Variants in EIF2AK3 observed in about 807,000 individuals in gnomAD.
EIF2AK3 encodes the protein eukaryotic translation initiation factor 2 alpha kinase 3, also known as eukaryotic translation initiation factor 2-alpha kinase 3.
Under a neutral mutation model 113.5 loss-of-function variants are expected in EIF2AK3, and 50 were observed. The observed-to-expected ratio is 0.44, with a 90% CI of 0.35 to 0.56. EIF2AK3 has a LOEUF of 0.56. Ranked by LOEUF, EIF2AK3 falls within the 20% of genes least tolerant of loss-of-function variation. The probability of loss-of-function intolerance (pLI) is 0.00; values close to 1 mark genes in which losing one functional copy is unlikely to be tolerated. For missense variants in EIF2AK3, 1,185 were observed against 1,378.0 expected (o/e 0.86, Z 2.22); for synonymous variants, 448 against 495.4 (o/e 0.90, Z 1.27).
chr2:88,593,201 G>A (rs1261349727), intron 4 of EIF2AK3, 71 bp downstream of exon 4: 1 of 1,582,358 alleles, frequency 6.3e-7, no homozygotes, highest in Non-Finnish European at 8.7e-7. Context: ...TCCACAAACA[G>A]AAATCTGATA....
At chr2:88,624,669 T>TC (rs1267183829) in intron 1 of EIF2AK3, 1 of 152,302 alleles carries the variant, frequency 6.6e-6, no homozygotes, top group East Asian at 1.9e-4. Flanking sequence ...CTCTAGTCAC[T>TC]CATTTCCACC....
chr2:88,598,780 A>C (rs2104449756), intron 2 of EIF2AK3, among the ~76,000 whole-genome samples: 1 of 152,328 alleles, frequency 6.6e-6, no homozygotes, highest in South Asian at 2.1e-4. Context: ...TATTAATATA[A>C]ATTGATAATG....
intron 14 of EIF2AK3, among the ~76,000 whole-genome samples, chr2:88,565,602 G>A (rs1411294817): frequency 6.6e-6 from 1 of 152,122 alleles, no homozygotes; most frequent in Non-Finnish European, 1.5e-5. Flanking sequence ...CCAAAGTGCT[G>A]GGATTACAGG....
intron 1 of EIF2AK3, among the ~76,000 whole-genome samples, chr2:88,615,859 C>A (rs771743457): frequency 3.3e-5 from 5 of 152,120 alleles, no homozygotes; most frequent in Admixed American, 6.5e-5. Flanking sequence ...CAAGTTCTCG[C>A]CCCTACCACC....
At chr2:88,590,754 C>A in intron 5 of EIF2AK3, 64 bp downstream of exon 5, 1 of 1,593,266 alleles carries the variant, frequency 6.3e-7, no homozygotes, top group Non-Finnish European at 8.6e-7. Flanking sequence ...TCCACCCAAT[C>A]AATAAGTTTG....
In EIF2AK3 at chr2:88,575,083, C is replaced by T; in HGVS notation, c.2400G>A (p.Glu800=). 1 of 1,614,218 alleles carries T rather than the reference C, an allele frequency of 6.2e-7. No homozygotes were observed. The highest frequency in any genetic ancestry group is 8.5e-7 in the Non-Finnish European group (1 of 1,180,046). ...CAAATACTATTGAAGAGGAGGTTCTCTCCCTTGACCTTACATAAGGAGAAG... is the reference window on the plus strand; with the variant it reads ...CAAATACTATTGAAGAGGAGGTTCTTTCCCTTGACCTTACATAAGGAGAAG... ...SEASPYVRSR[E]RTSSSIVFED... is the part of the protein sequence containing the mutation. Residue 800 remains glutamate (E), a synonymous_variant, in exon 13 of 17, where the codon GAG becomes GAA. Transcript: ENST00000303236.
At chr2:88,603,507 A>C (rs1265355815) in intron 2 of EIF2AK3, among the ~76,000 whole-genome samples, 1 of 152,208 alleles carries the variant, frequency 6.6e-6, no homozygotes, top group Non-Finnish European at 1.5e-5. Flanking sequence ...TTGCATTATA[A>C]ATCAGTTATC....
intron 6 of EIF2AK3, among the ~76,000 whole-genome samples, chr2:88,589,153 G>C (rs1437897645): frequency 1.3e-5 from 2 of 152,086 alleles, no homozygotes; most frequent in African/African-American, 4.8e-5. Flanking sequence ...CAGGAAAATT[G>C]TTCCAGTAGA....
intron 13 of EIF2AK3, among the ~76,000 whole-genome samples, chr2:88,571,800 A>T (rs1674318244): frequency 6.6e-6 from 1 of 152,138 alleles, no homozygotes; most frequent in Non-Finnish European, 1.5e-5. Context: ...GCCTCTCGTA[A>T]AACCTCTATG....
At chr2:88,572,897 G>A (rs1674348982) in intron 13 of EIF2AK3, among the ~76,000 whole-genome samples, 2 of 152,182 alleles carry the variant, frequency 1.3e-5, no homozygotes, top group African/African-American at 4.8e-5. Context: ...TGTCAGAACA[G>A]TGTATATCAA....
At chr2:88,626,854 C>G in intron 1 of EIF2AK3, 113 bp downstream of exon 1, 2 of 1,405,660 alleles carry the variant, frequency 1.4e-6, no homozygotes, top group South Asian at 2.6e-5. Flanking sequence ...AGCTGCCCTC[C>G]GCAGCCGAGG....
At chr2:88,585,177 G>T (rs937084457) in intron 9 of EIF2AK3, among the ~76,000 whole-genome samples, 1 of 152,108 alleles carries the variant, frequency 6.6e-6, no homozygotes, top group South Asian at 2.1e-4. Flanking sequence ...TAGAGAAGAA[G>T]AAAAATGTGA....
intron 8 of EIF2AK3, among the ~76,000 whole-genome samples, 179 bp downstream of exon 8, chr2:88,587,803 G>A (rs1674776518): frequency 6.6e-6 from 1 of 152,072 alleles, no homozygotes; most frequent in Admixed American, 6.5e-5. Flanking sequence ...CTAGCATGTG[G>A]CAAAAATGGG....
At chr2:88,574,555 A>T in intron 13 of EIF2AK3, 111 bp downstream of exon 13, 1 of 1,332,166 alleles carries the variant, frequency 7.5e-7, no homozygotes, top group Non-Finnish European at 1.0e-6. Flanking sequence ...CTGCTCTCAG[A>T]TGCTTTTACT....
chr2:88,562,231 G>T, intron 15 of EIF2AK3, 58 bp downstream of exon 15: 1 of 1,409,290 alleles, frequency 7.1e-7, no homozygotes, highest in Non-Finnish European at 1.0e-6. Flanking sequence ...AAACTCTTTT[G>T]TAAATGTTAG....
In EIF2AK3 at chr2:88,601,194, C is replaced by T. The variant is rs1675140084; in HGVS notation, c.439-5531G>A. Reference sequence around the variant, plus strand: ...CCCTCCACAAAGGAACTTCTTTCAACCCCTTTGTTATGCACTGATTTACTT... The same window carrying T: ...CCCTCCACAAAGGAACTTCTTTCAATCCCTTTGTTATGCACTGATTTACTT... On this transcript the variant is annotated intron_variant, in intron 2 of 16. Coordinates refer to ENST00000303236, the MANE Select transcript of EIF2AK3 (RefSeq NM_004836.7). 4.6e-5 allele frequency among the ~76,000 whole-genome samples: 7 copies of T among 152,322 alleles called. No individual in the cohort carries two copies. In the South Asian group the frequency reaches 1.4e-3, roughly 32 times the overall value.
chr2:88,561,834 G>A (rs538467854), intron 15 of EIF2AK3, among the ~76,000 whole-genome samples: 13 of 152,238 alleles, frequency 8.5e-5, no homozygotes, highest in South Asian at 2.1e-4. Context: ...ACTCCAGCCT[G>A]AGCGACAGAG....
chr2:88,563,331 T>C (rs542670737), intron 14 of EIF2AK3, among the ~76,000 whole-genome samples: 12 of 152,288 alleles, frequency 7.9e-5, no homozygotes, highest in South Asian at 2.1e-4. Context: ...TCTGTACTTA[T>C]AGAAGAGCAG....
intron 10 of EIF2AK3, among the ~76,000 whole-genome samples, 161 bp downstream of exon 10, chr2:88,583,269 T>C (rs948832983): frequency 1.3e-5 from 2 of 152,300 alleles, no homozygotes; most frequent in East Asian, 3.9e-4. Context: ...TTAGGGTATA[T>C]ACCACTTTTA....
Sources: gnomAD v4.1 joint callset for allele counts (sites outside exome capture counted in the v4.1 genomes callset) on GRCh38, gnomAD v4.1.1 for gene constraint, MANE v1.5 for transcripts, NCBI Gene and HGNC (gene_info 2026-07-23, HGNC 2026-07-21) for gene names.